RBPJ: variants seen among roughly 807,000 people sequenced by gnomAD.
RBPJ encodes recombination signal binding protein for immunoglobulin kappa J region.
RBPJ carries 9 observed loss-of-function variants against 67.8 expected under a neutral mutation model. The observed-to-expected ratio is 0.13, with a 90% CI of 0.08 to 0.23. The LOEUF is 0.23. Among genes scored for constraint, RBPJ ranks in the 10% least tolerant of loss-of-function variants. RBPJ has a pLI of 1.00. For synonymous variants in RBPJ, 198 were observed against 203.3 expected, an observed-to-expected ratio of 0.97 and a Z score of 0.22; for missense variants, 305 against 595.6, an observed-to-expected ratio of 0.51 and a Z score of 5.08.
Position 26,430,555 on chromosome 4 carries a change from G to A in RBPJ, c.1148+33G>A. 1.3e-6 allele frequency: 2 copies of A among 1,553,862 alleles called. No individual in the cohort carries two copies. Among genetic ancestry groups the A allele is most frequent in the Non-Finnish European group, 1.8e-6 (2 of 1,139,874 alleles). On this transcript the variant is annotated intron_variant, in intron 10 of 10. Transcript: ENST00000355476. This position sits in a 1 kb window ranked among gnomAD's most constrained non-coding sequence, Gnocchi z 4.1. ...ATAAAACTTTTTGCATCATCCAGAG[G>A]TTGTGAGGGGTGTGGGTACAGGAGA...
intron 1 of RBPJ, among the ~76,000 whole-genome samples, chr4:26,214,766 AAAGAGAAAG>A (rs1432857795): frequency 1.5e-4 from 2 of 13,370 alleles, no homozygotes; most frequent in African/African-American, 8.7e-4. Flanking sequence ...AAGAGAGAAA[AAAGAGAAAG>A]AAAGAAAGAA....
chr4:26,421,314 T>G (rs534134287), intron 5 of RBPJ, among the ~76,000 whole-genome samples: 1 of 152,124 alleles, frequency 6.6e-6, no homozygotes, highest in Non-Finnish European at 1.5e-5. Flanking sequence ...CTTTTCTTTT[T>G]TTTTTTGAGA....
intron 1 of RBPJ, among the ~76,000 whole-genome samples, chr4:26,221,797 G>T (rs1255247066): frequency 1.3e-5 from 2 of 152,184 alleles, no homozygotes; most frequent in African/African-American, 2.4e-5. Context: ...AAAATAGCTA[G>T]ACGAGAATAA....
At chr4:26,283,954 A>G (rs750725804) in intron 1 of RBPJ, among the ~76,000 whole-genome samples, 123 of 151,980 alleles carry the variant, frequency 8.1e-4, no homozygotes, top group Non-Finnish European at 1.3e-3. Context: ...TATTTAATAC[A>G]ATGATTTTTA....
chr4:26,284,942 C>A (rs1324012112), intron 1 of RBPJ, among the ~76,000 whole-genome samples: 1 of 152,036 alleles, frequency 6.6e-6, no homozygotes, highest in African/African-American at 2.4e-5. Context: ...CTGCAACCTC[C>A]ACCTCCCGGG....
chr4:26,219,495 A>G (rs1718830171), intron 1 of RBPJ, among the ~76,000 whole-genome samples: 1 of 152,200 alleles, frequency 6.6e-6, no homozygotes, highest in Non-Finnish European at 1.5e-5. Flanking sequence ...GTAGCTGACT[A>G]GCTGCTTCTA....
intron 1 of RBPJ, among the ~76,000 whole-genome samples, chr4:26,201,985 G>A (rs955470636): frequency 3.9e-5 from 6 of 152,188 alleles, no homozygotes; most frequent in South Asian, 4.1e-4. Flanking sequence ...CAGCAGCACC[G>A]AACATGGTTG....
At chr4:26,272,767 T>G in intron 1 of RBPJ, 1 of 446,448 alleles carries the variant, frequency 2.2e-6, no homozygotes, top group Non-Finnish European at 4.5e-6. Context: ...ATGAGGTAGG[T>G]CTAACACCAG....
the RBPJ span, among the ~76,000 whole-genome samples, chr4:26,106,297 A>G: frequency 1.2e-4 from 18 of 152,340 alleles, no homozygotes; most frequent in Middle Eastern, 3.4e-3. Context: ...AATTGGAATC[A>G]CTAGTGAAAG....
At chr4:26,387,691 A>G (rs1015602014) in intron 2 of RBPJ, among the ~76,000 whole-genome samples, 1 of 152,176 alleles carries the variant, frequency 6.6e-6, no homozygotes, top group African/African-American at 2.4e-5. Flanking sequence ...CTTCAGCTGC[A>G]TATTGATCAG....
chr4:26,115,437 T>G, the RBPJ span, among the ~76,000 whole-genome samples: 1 of 151,756 alleles, frequency 6.6e-6, no homozygotes, highest in Admixed American at 6.6e-5. Context: ...CAGGCTGGAG[T>G]GCAGTGGCGC....
chr4:26,199,906 G>A (rs1183745043), intron 1 of RBPJ, among the ~76,000 whole-genome samples: 3 of 152,170 alleles, frequency 2.0e-5, no homozygotes, highest in Non-Finnish European at 4.4e-5. Flanking sequence ...GGCCAGAACC[G>A]TTCAGTCGAG....
intron 1 of RBPJ, among the ~76,000 whole-genome samples, chr4:26,363,673 A>G: frequency 6.6e-6 from 1 of 152,200 alleles, no homozygotes; most frequent in East Asian, 1.9e-4. Context: ...TCCTGACCTC[A>G]GGTGATCTGC....
At chr4:26,328,899 C>G (rs1434778256) in intron 1 of RBPJ, among the ~76,000 whole-genome samples, 1 of 152,198 alleles carries the variant, frequency 6.6e-6, no homozygotes, top group Non-Finnish European at 1.5e-5. Context: ...ATCCTTCTGC[C>G]TTGGTCTCCC....
At chr4:26,383,928 C>G (rs1028032430) in intron 1 of RBPJ, 4 of 152,140 alleles carry the variant, frequency 2.6e-5, no homozygotes, top group African/African-American at 9.7e-5. Flanking sequence ...GGTGCGATCT[C>G]AGCTCACTGC....
upstream of RBPJ, among the ~76,000 whole-genome samples, chr4:26,316,673 C>CAT (rs112146974): frequency 2.8e-3 from 360 of 127,090 alleles, no homozygotes; most frequent in South Asian, 0.011. Context: ...TATATATACA[C>CAT]ATATATATAT....
intron 1 of RBPJ, among the ~76,000 whole-genome samples, chr4:26,363,792 T>C (rs1031105582): frequency 6.6e-6 from 1 of 152,218 alleles, no homozygotes; most frequent in Non-Finnish European, 1.5e-5. Flanking sequence ...TTTAACAATG[T>C]ATGTATGCAG....
At chr4:26,319,844 C>T, upstream of RBPJ, 1 of 1,592,940 alleles carries the variant, frequency 6.3e-7, no homozygotes, top group Non-Finnish European at 8.6e-7. Flanking sequence ...CTGGGAATCT[C>T]TAGGAAAGGA....
intron 1 of RBPJ, among the ~76,000 whole-genome samples, chr4:26,247,749 T>A (rs1719976943): frequency 6.6e-6 from 1 of 152,210 alleles, no homozygotes; most frequent in African/African-American, 2.4e-5. Flanking sequence ...TTGTAATTTC[T>A]ATGTATAATT....
Sources: allele counts gnomAD v4.1 joint callset (sites outside exome capture counted in the v4.1 genomes callset), GRCh38; gene constraint gnomAD v4.1.1; non-coding constraint Gnocchi (gnomAD v3.1); transcripts MANE v1.5; gene names NCBI Gene and HGNC (gene_info 2026-07-23, HGNC 2026-07-21).